The following TMC1 variants were observed in gnomAD, a reference collection of about 807,000 sequenced individuals.
TMC1 encodes transmembrane channel-like protein 1.
TMC1 carries 84 observed loss-of-function variants against 105.8 expected under a neutral mutation model. The ratio of observed to expected loss-of-function variants is 0.79; its 90% CI spans 0.67 to 0.95. TMC1 has a LOEUF of 0.95. Ranked by LOEUF, TMC1 falls within the 40% of genes least tolerant of loss-of-function variation. The pLI is 0.00. For missense variants in TMC1, 817 were observed against 914.1 expected, an observed-to-expected ratio of 0.89 and a Z score of 1.37; for synonymous variants, 315 against 311.5, an observed-to-expected ratio of 1.01 and a Z score of -0.12.
chr9:72,795,541 C>T (rs1369368114), intron 17 of TMC1, among the ~76,000 whole-genome samples: 1 of 152,082 alleles, frequency 6.6e-6, no homozygotes, highest in Non-Finnish European at 1.5e-5. Flanking sequence ...CATATCAGGC[C>T]AAACTAAGCT....
intron 8 of TMC1, among the ~76,000 whole-genome samples, chr9:72,702,329 T>C (rs1826659576): frequency 6.6e-6 from 1 of 152,094 alleles, no homozygotes; most frequent in African/African-American, 2.4e-5. Flanking sequence ...TGCAGGATCG[T>C]GGAGGAGACA....
At chr9:72,826,538 A>C (rs1004990005) in intron 20 of TMC1, among the ~76,000 whole-genome samples, 2 of 152,258 alleles carry the variant, frequency 1.3e-5, no homozygotes, top group African/African-American at 4.8e-5. Flanking sequence ...CTACAAGAGC[A>C]GCTGACTGAG....
At chr9:72,550,467 G>GC (rs1188284722) in intron 1 of TMC1, among the ~76,000 whole-genome samples, 2 of 151,368 alleles carry the variant, frequency 1.3e-5, no homozygotes, top group African/African-American at 4.9e-5. Context: ...GACCAGCCTG[G>GC]CCAACATGGT....
chr9:72,636,540 T>G (rs1459851138), intron 4 of TMC1, among the ~76,000 whole-genome samples: 2 of 151,878 alleles, frequency 1.3e-5, no homozygotes, highest in Admixed American at 6.6e-5. Context: ...GTGAAACATC[T>G]GTACTAAAAA....
At chr9:72,655,092 G>A (rs546668510) in intron 5 of TMC1, among the ~76,000 whole-genome samples, 1 of 152,286 alleles carries the variant, frequency 6.6e-6, no homozygotes, top group East Asian at 1.9e-4. Flanking sequence ...GCCCCATGCT[G>A]TTCTCCTAAT....
intron 4 of TMC1, among the ~76,000 whole-genome samples, chr9:72,647,853 C>T (rs1564466483): frequency 6.6e-6 from 1 of 151,516 alleles, no homozygotes; most frequent in East Asian, 1.9e-4. Flanking sequence ...AGAATGCCAG[C>T]GTCCGTACTC....
chr9:72,703,268 A>T (rs1489320584), intron 8 of TMC1, among the ~76,000 whole-genome samples: 1 of 151,908 alleles, frequency 6.6e-6, no homozygotes, highest in Non-Finnish European at 1.5e-5. Flanking sequence ...CTGGGACTAT[A>T]TGTGCACACT....
intron 5 of TMC1, among the ~76,000 whole-genome samples, chr9:72,659,447 C>T (rs1304873312): frequency 6.6e-6 from 1 of 152,114 alleles, no homozygotes; most frequent in Admixed American, 6.5e-5. Context: ...CCAGCCTGGC[C>T]AACATGGTGA....
At chr9:72,610,118 A>G (rs2132119162) in intron 2 of TMC1, among the ~76,000 whole-genome samples, 1 of 152,356 alleles carries the variant, frequency 6.6e-6, no homozygotes, top group Middle Eastern at 3.4e-3. Flanking sequence ...TGAATAAATC[A>G]ATGATGAATA....
chr9:72,530,913 C>T (rs891973547), intron 1 of TMC1, among the ~76,000 whole-genome samples: 1 of 151,076 alleles, frequency 6.6e-6, no homozygotes, highest in African/African-American at 2.4e-5. Flanking sequence ...ATCTGCATCC[C>T]GAGTTCACAT....
At chr9:72,636,145 A>G (rs1564459274) in intron 4 of TMC1, among the ~76,000 whole-genome samples, 1 of 152,172 alleles carries the variant, frequency 6.6e-6, no homozygotes, top group African/African-American at 2.4e-5. Context: ...CTGAGGATGG[A>G]GACTTTCTAA....
intron 5 of TMC1, among the ~76,000 whole-genome samples, chr9:72,649,973 A>G (rs1825773987): frequency 6.6e-6 from 1 of 152,202 alleles, no homozygotes; most frequent in African/African-American, 2.4e-5. Flanking sequence ...CCTGCTGTTT[A>G]TTAGTGCTGC....
At chr9:72,549,276 G>A (rs1273047186) in intron 1 of TMC1, among the ~76,000 whole-genome samples, 1 of 152,012 alleles carries the variant, frequency 6.6e-6, no homozygotes, top group Non-Finnish European at 1.5e-5. Context: ...TTTTGTGTGT[G>A]TGTGAGAATG....
At chr9:72,660,965 A>G (rs929835272) in intron 5 of TMC1, among the ~76,000 whole-genome samples, 12 of 152,158 alleles carry the variant, frequency 7.9e-5, no homozygotes, top group Non-Finnish European at 1.5e-4. Flanking sequence ...CCTGGCTAAC[A>G]CAGTTAAACC....
At chr9:72,598,532 GC>G (rs1177663249) in intron 2 of TMC1, among the ~76,000 whole-genome samples, 1 of 150,040 alleles carries the variant, frequency 6.7e-6, no homozygotes, top group Non-Finnish European at 1.5e-5. Flanking sequence ...ATCTTTTTCT[GC>G]CCCCAGAGGT....
At chr9:72,767,452 G>A (rs948617812) in intron 12 of TMC1, among the ~76,000 whole-genome samples, 1 of 152,190 alleles carries the variant, frequency 6.6e-6, no homozygotes, top group African/African-American at 2.4e-5. Flanking sequence ...TGAAGGAGAT[G>A]TTTTGCATGC....
intron 5 of TMC1, among the ~76,000 whole-genome samples, chr9:72,688,406 C>G: frequency 6.6e-6 from 1 of 151,964 alleles, no homozygotes; most frequent in South Asian, 2.1e-4. Flanking sequence ...TATTGCAATA[C>G]AGAATTTATT....
At position 72,682,199 on chromosome 9, in the gene TMC1, C is replaced by T. The variant is rs956787593; in HGVS notation, c.17-6510C>T. 1.6e-4 allele frequency among the ~76,000 whole-genome samples: 24 copies of T among 151,984 alleles called. 1 individual carries two copies. The highest frequency in any genetic ancestry group is 1.1e-3 in the Admixed American group (16 of 15,238). On this transcript the variant is annotated intron_variant, in intron 5 of 23. Transcript: ENST00000297784. ...TGGGGGCATTTATTACAAAAGTTTC[C>T]AGTAGGGTGTTTTTGAATGTCTGTG... is the stretch of plus-strand genomic sequence containing the variant.
chr9:72,700,451 C>A, intron 7 of TMC1, 67 bp from the exon 8 acceptor site: 1 of 1,351,672 alleles, frequency 7.4e-7, no homozygotes, highest in South Asian at 1.3e-5. Flanking sequence ...CTGATACCTG[C>A]CTTCCTTAAG....
Sources: gnomAD v4.1 joint callset for allele counts (sites outside exome capture counted in the v4.1 genomes callset) on GRCh38, gnomAD v4.1.1 for gene constraint, MANE v1.5 for transcripts, NCBI Gene and HGNC (gene_info 2026-07-23, HGNC 2026-07-21) for gene names.